Variants in OTOF observed in about 807,000 individuals in gnomAD.
OTOF encodes the protein otoferlin, also known as fer-1-like family member 2.
In OTOF, 218 loss-of-function variants were observed where a neutral mutation model predicts 236.8. The observed-to-expected ratio is 0.92, with a 90% CI of 0.82 to 1.03. OTOF has a LOEUF of 1.03. OTOF is among the 50% of genes least tolerant of loss of function. The pLI is 0.00. For missense variants in OTOF, 2,590 were observed against 2,694.4 expected (o/e 0.96, Z 0.86); for synonymous variants, 1,041 against 1,072.5 (o/e 0.97, Z 0.57).
intron 11 of OTOF, among the ~76,000 whole-genome samples, chr2:26,488,456 C>T (rs1665752103): frequency 6.6e-6 from 1 of 152,192 alleles, no homozygotes; most frequent in Non-Finnish European, 1.5e-5. Context: ...CCTGGCCCAC[C>T]TCACAAGCCC....
chr2:26,476,492 T>G (rs996800650), intron 22 of OTOF, among the ~76,000 whole-genome samples, 175 bp from the exon 23 acceptor site: 1 of 80,606 alleles, frequency 1.2e-5, no homozygotes. Context: ...TCATGCCCCC[T>G]TCCCCACCCC....
rs142548977 is a variant in OTOF at position 26,533,726 on chromosome 2, G to A, written c.138+3990C>T. On this transcript the variant is annotated intron_variant, in intron 2 of 46. Coordinates refer to ENST00000272371, the MANE Select transcript of OTOF (RefSeq NM_194248.3). ...ACCACTAGCCCTGCTGAGCCCACTC[G>A]GTCTGGGCACAGGCCTGCGGTGACA... Among the ~76,000 whole-genome samples, 833 of 152,218 alleles carry A rather than the reference G, an allele frequency of 5.5e-3. 7 individuals carry two copies. Among genetic ancestry groups the A allele is most frequent in the African/African-American group, 0.019 (786 of 41,520 alleles).
chr2:26,558,688 C>A lies in OTOF; in HGVS notation c.-117G>T, dbSNP rs1667658713. On this transcript the variant is annotated 5_prime_UTR_variant, in exon 1 of 47. Transcript: ENST00000272371. Reference sequence around the variant, plus strand: ...GCTGCCTCCTCCTCCTCCTCCCGACCCCCCTCCGATGCTGCCCACAGAGAC... The same window carrying A: ...GCTGCCTCCTCCTCCTCCTCCCGACACCCCTCCGATGCTGCCCACAGAGAC... The A allele has an allele frequency of 3.4e-6, 3 of 878,222 alleles. No homozygotes were observed. The highest frequency in any genetic ancestry group is 1.7e-5 in the African/African-American group (1 of 60,118). 54.4% of individuals were successfully genotyped at this position (878,222 alleles called of 1,614,324 possible).
intron 29 of OTOF, among the ~76,000 whole-genome samples, 165 bp from the exon 30 acceptor site, chr2:26,472,814 GAGA>G (rs1031595576): frequency 6.6e-6 from 1 of 152,134 alleles, no homozygotes; most frequent in Non-Finnish European, 1.5e-5. Context: ...GAGGGAAGAA[GAGA>G]GCCCGAGATA....
chr2:26,489,829 G>C, intron 9 of OTOF, 89 bp from the exon 10 acceptor site: 1 of 968,460 alleles, frequency 1.0e-6, no homozygotes. Context: ...CGCAGGGCCT[G>C]TCTGCACCCC....
In OTOF at chr2:26,503,853, G is replaced by A; in HGVS notation, c.510-8C>T. On this transcript the variant is annotated splice_region_variant and splice_polypyrimidine_tract_variant and intron_variant, in intron 5 of 46. Transcript: ENST00000272371. The stretch of plus-strand genomic sequence containing the variant: ...AACACGCTCCTCCCGGCTCTGTGAG[G>A]GGGGCCACCAGAATGAGGTGCAGGG... The A allele has an allele frequency of 1.2e-6, 2 of 1,613,740 alleles. No individual in the cohort carries two copies. Among genetic ancestry groups the A allele is most frequent in the Non-Finnish European group, 8.5e-7 (1 of 1,179,590 alleles).
intron 9 of OTOF, among the ~76,000 whole-genome samples, 168 bp from the exon 10 acceptor site, chr2:26,489,908 T>A (rs1665799198): frequency 6.6e-6 from 1 of 152,110 alleles, no homozygotes; most frequent in Non-Finnish European, 1.5e-5. Context: ...TGATTGACCC[T>A]GGTGGTGGGT....
intron 10 of OTOF, 41 bp from the exon 11 acceptor site, chr2:26,489,336 G>C: frequency 6.6e-7 from 1 of 1,504,116 alleles, no homozygotes; most frequent in Non-Finnish European, 9.2e-7. Context: ...GGCCCAGCAA[G>C]GGTGAGGCTT....
chr2:26,479,699 G>A, intron 16 of OTOF, 46 bp from the exon 17 acceptor site: 1 of 1,585,044 alleles, frequency 6.3e-7, no homozygotes. Context: ...TTCCCCACCA[G>A]GCCCCTCCCA....
At chr2:26,522,105 G>A (rs1203303028) in intron 3 of OTOF, among the ~76,000 whole-genome samples, 1 of 152,174 alleles carries the variant, frequency 6.6e-6, no homozygotes, top group Non-Finnish European at 1.5e-5. Flanking sequence ...GGTGGGACTG[G>A]GACGCTAGGA....
chr2:26,513,753 G>A (rs1325941084), intron 5 of OTOF, among the ~76,000 whole-genome samples: 1 of 152,226 alleles, frequency 6.6e-6, no homozygotes, highest in Non-Finnish European at 1.5e-5. Flanking sequence ...GCCTGCCTGG[G>A]CTCCTAACGG....
In OTOF at chr2:26,516,398, A is replaced by G. The variant is rs376600099; in HGVS notation, c.509+20T>C. 15 of 1,609,788 alleles carry G rather than the reference A, an allele frequency of 9.3e-6. No homozygotes were observed. Among genetic ancestry groups the G allele is most frequent in the Admixed American group, 6.7e-5 (4 of 59,890 alleles). Reference sequence around the variant, plus strand: ...CGTGTCTTGGGAGCAGTGGGCAGCCAGAGGGGTCCTGCCTGTTACCTCCGG... The same window carrying G: ...CGTGTCTTGGGAGCAGTGGGCAGCCGGAGGGGTCCTGCCTGTTACCTCCGG... On this transcript the variant is annotated intron_variant, in intron 5 of 46. Coordinates refer to ENST00000272371, the MANE Select transcript of OTOF (RefSeq NM_194248.3).
intron 8 of OTOF, among the ~76,000 whole-genome samples, chr2:26,498,267 A>G (rs1481413273): frequency 6.6e-6 from 1 of 152,176 alleles, no homozygotes; most frequent in Non-Finnish European, 1.5e-5. Context: ...GAAGGTGGGC[A>G]GAGGCTTGAA....
Position 26,478,040 on chromosome 2 carries a change from C to G in OTOF, c.2215-291G>C, listed in dbSNP as rs6749978. ...GCTCACAGGGCCTGGGCAGAACTCA[C>G]GGCTACGGGGCTCAGGGCTGGCCAG... On this transcript the variant is annotated intron_variant, in intron 18 of 46. Transcript: ENST00000272371. 0.49 allele frequency: 703,475 copies of G among 1,434,682 alleles called. 183,185 individuals carry two copies. The highest frequency in any genetic ancestry group is 0.98 in the East Asian group (39,139 of 40,074). The allele number at this position is 1,434,682 out of a possible 1,614,324, so 88.9% of individuals were successfully genotyped here.
At chr2:26,519,164 C>T (rs372795522) in intron 3 of OTOF, 55 bp from the exon 4 acceptor site, 2 of 1,157,544 alleles carry the variant, frequency 1.7e-6, no homozygotes, top group African/African-American at 1.5e-5. Flanking sequence ...GGGTGAGGAG[C>T]AAGACTGACA....
chr2:26,539,221 A>G (rs765412474), intron 1 of OTOF, among the ~76,000 whole-genome samples: 2 of 152,158 alleles, frequency 1.3e-5, no homozygotes, highest in Non-Finnish European at 2.9e-5. Context: ...GGATGGAACC[A>G]CAAGAGAAGG....
chr2:26,537,918 A>G, intron 1 of OTOF, 144 bp from the exon 2 acceptor site: 1 of 708,532 alleles, frequency 1.4e-6, no homozygotes, highest in African/African-American at 1.7e-5. Flanking sequence ...CACCTCTCCC[A>G]GGGTGAGGCC....
In OTOF at chr2:26,479,588, C is replaced by A. The variant is rs1372777349; in HGVS notation, c.1978G>T (p.Gly660Trp). The A allele has an allele frequency of 6.2e-7, 1 of 1,612,678 alleles. No individual in the cohort carries two copies. ...PQRPRPRKEP[G>W]DEEEVDLIQN... ...ATCAGGTCTACTTCTTCCTCATCCC[C>A]CGGCTCCTTCCGGGGCCGAGGCCGC... is the stretch of plus-strand genomic sequence containing the variant. The change falls in exon 17 of 47, where the codon GGG becomes TGG. Residue 660 changes from glycine to tryptophan, a missense_variant. Gly to Trp is a radical substitution (Grantham distance 184). Coordinates refer to ENST00000272371, the MANE Select transcript of OTOF (RefSeq NM_194248.3).
At chr2:26,534,554 C>G (rs1002087410) in intron 2 of OTOF, among the ~76,000 whole-genome samples, 1 of 152,210 alleles carries the variant, frequency 6.6e-6, no homozygotes, top group Non-Finnish European at 1.5e-5. Flanking sequence ...CTGCTGCAGC[C>G]CCTCTCACCC....
Sources: allele counts gnomAD v4.1 joint callset (sites outside exome capture counted in the v4.1 genomes callset), GRCh38; gene constraint gnomAD v4.1.1; transcripts MANE v1.5; gene names NCBI Gene and HGNC (gene_info 2026-07-23, HGNC 2026-07-21).